TBX2: variants seen among roughly 807,000 people sequenced by gnomAD.
TBX2 encodes T-box transcription factor TBX2.
A neutral mutation model predicts 48.4 loss-of-function variants in TBX2; 19 were observed. That is an observed-to-expected ratio of 0.39 (90% CI 0.27 to 0.58). The LOEUF is 0.58. TBX2 is among the 20% of genes least tolerant of loss of function. TBX2 has a pLI of 0.54. For synonymous variants in TBX2, 522 were observed against 459.7 expected (o/e 1.14, Z -1.73); for missense variants, 994 against 1,006.5 (o/e 0.99, Z 0.17).
chr17:61,404,626 C>A lies in TBX2; in HGVS notation c.908C>A (p.Ser303Tyr). Residue 303 changes from serine (S) to tyrosine (Y), a missense_variant, in exon 5 of 7, where the codon TCT becomes TAT. Transcript: ENST00000240328. ...REKRKQLTLP[S>Y]LRLYEEHCKP... is the part of the protein sequence containing the mutation. Reference sequence around the variant, plus strand: ...CCCAGGAAGCAGCTGACGCTGCCGTCTCTACGCTTGTACGAGGAGCACTGC... The same window carrying A: ...CCCAGGAAGCAGCTGACGCTGCCGTATCTACGCTTGTACGAGGAGCACTGC... 6.3e-7 allele frequency: 1 copy of A among 1,583,354 alleles called. No homozygotes were observed. The highest frequency in any genetic ancestry group is 8.6e-7 in the Non-Finnish European group (1 of 1,163,436).
chr17:61,405,595 C>A lies in TBX2; in HGVS notation c.1445C>A (p.Pro482Gln). ...SHLHGQQFFGPLGAGQPLFLH... is the reference protein window; with the variant it reads ...SHLHGQQFFGQLGAGQPLFLH... ...TTGCACGGGCAGCAGTTCTTTGGGCCGCTGGGAGCCGGCCAGCCGCTCTTC... is the reference window on the plus strand; with the variant it reads ...TTGCACGGGCAGCAGTTCTTTGGGCAGCTGGGAGCCGGCCAGCCGCTCTTC... The change falls in exon 6 of 7, where the codon CCG becomes CAG. Residue 482 changes from proline to glutamine, a missense_variant. By Grantham distance (76) the Pro-to-Gln change is moderately conservative (BLOSUM62 -1). Transcript: ENST00000240328. 1.3e-6 allele frequency: 2 copies of A among 1,595,758 alleles called. No homozygotes were observed. The highest frequency in any genetic ancestry group is 1.7e-6 in the Non-Finnish European group (2 of 1,175,336).
chr17:61,400,283 CCTT>C lies in TBX2; in HGVS notation c.112_114del (p.Phe38del), dbSNP rs764684472. ...GCCTTTCTGGCGGCGGCGCAGCCCTCCTTCTTCCCGGCACTCGCGCTGCCGCCC... is the reference window on the plus strand; with the variant it reads ...GCCTTTCTGGCGGCGGCGCAGCCCTCCTTCCCGGCACTCGCGCTGCCGCCC... On this transcript the variant is annotated inframe_deletion, in exon 1 of 7. Coordinates refer to ENST00000240328, the MANE Select transcript of TBX2 (RefSeq NM_005994.4). The surrounding 1 kb of genome is among the most constrained non-coding windows in gnomAD (Gnocchi z 9.2). 3.4e-6 allele frequency: 4 copies of C among 1,168,758 alleles called. No individual in the cohort carries two copies. The highest frequency in any genetic ancestry group is 3.2e-6 in the Non-Finnish European group (3 of 927,400). The allele number at this position is 1,168,758 out of a possible 1,614,324, so 72.4% of individuals were successfully genotyped here.
chr17:61,402,640 C>T (rs1342681616), intron 2 of TBX2, among the ~76,000 whole-genome samples: 3 of 151,990 alleles, frequency 2.0e-5, no homozygotes, highest in African/African-American at 4.8e-5. Context: ...TTTACCAGTG[C>T]CAGAAAGGAA....
chr17:61,409,412 G>C lies in TBX2; in HGVS notation c.*906G>C, dbSNP rs729782. 14,447 of 152,244 alleles carry C rather than the reference G, an allele frequency of 0.095. 943 individuals carry two copies. Among genetic ancestry groups the C allele is most frequent in the East Asian group, 0.29 (1,496 of 5,144 alleles). The allele number at this position is 152,244 out of a possible 1,614,324, so 9.4% of individuals were successfully genotyped here. On this transcript the variant is annotated 3_prime_UTR_variant, in exon 7 of 7. Transcript: ENST00000240328. Reference sequence around the variant, plus strand: ...CCTCAGGTTTTCACTTTTCGCTCCGGAGCGAGAACGAAACGACAAAAACGC... The same window carrying C: ...CCTCAGGTTTTCACTTTTCGCTCCGCAGCGAGAACGAAACGACAAAAACGC...
Position 61,408,085 on chromosome 17 carries a change from T to TCCCCTA in TBX2, c.1726_1731dup (p.Pro576_Tyr577dup). The stretch of plus-strand genomic sequence containing the variant: ...CCAATGCCCACTTTCGGAGGCCTCT[T>TCCCCTA]CCCCTACCCCTACACCTACATGGCA... On this transcript the variant is annotated inframe_insertion, in exon 7 of 7. Coordinates refer to ENST00000240328, the MANE Select transcript of TBX2 (RefSeq NM_005994.4). 1 of 1,600,990 alleles carries TCCCCTA rather than the reference T, an allele frequency of 6.2e-7. No individual in the cohort carries two copies. Among genetic ancestry groups the TCCCCTA allele is most frequent in the Non-Finnish European group, 8.5e-7 (1 of 1,174,142 alleles).
rs1456287464 is a variant in TBX2 at position 61,405,336 on chromosome 17, G to T, written c.1186G>T (p.Ala396Ser). The T allele has an allele frequency of 3.2e-6, 5 of 1,545,706 alleles. No homozygotes were observed. The highest frequency in any genetic ancestry group is 2.4e-5 in the East Asian group (1 of 41,858). ...CACTCGCTTGACCGAACCCGAGCGC[G>T]CCCGGGAGCGGCGTAGTCCCGAGAG... Reference protein sequence around the residue: ...SPTRLTEPERARERRSPERGK... With the variant: ...SPTRLTEPERSRERRSPERGK... The change falls in exon 6 of 7, where the codon GCC becomes TCC. Residue 396 changes from alanine (A) to serine (S), a missense_variant. Ala to Ser is a moderately conservative substitution (Grantham distance 99). Transcript: ENST00000240328.
In TBX2 at chr17:61,408,377, A is replaced by G. The variant is rs916383563; in HGVS notation, c.2010A>G (p.Pro670=). 5 of 1,569,856 alleles carry G rather than the reference A, an allele frequency of 3.2e-6. No individual in the cohort carries two copies. In the African/African-American group the frequency reaches 5.4e-5, roughly 17 times the overall value. ...TGGCTCTCCGCAAAGTAGGGGCCCC[A>G]TCCCGCGGTGCCCTGTCGCCCAGTG... ...PELALRKVGA[P]SRGALSPSGS... is the part of the protein sequence containing the mutation. The change falls in exon 7 of 7, where the codon CCA becomes CCG. Residue 670 remains proline (P), a synonymous_variant. Transcript: ENST00000240328.
chr17:61,408,564 C>T lies in TBX2; in HGVS notation c.*58C>T. ...CCACCCGGGCTGCCTGCCCCTGCTG[C>T]TTGGGACGTGTACAGCACAGAATGA... is the stretch of plus-strand genomic sequence containing the variant. On this transcript the variant is annotated 3_prime_UTR_variant, in exon 7 of 7. Transcript: ENST00000240328. 7.2e-7 allele frequency: 1 copy of T among 1,393,512 alleles called. No individual in the cohort carries two copies. Among genetic ancestry groups the T allele is most frequent in the Non-Finnish European group, 9.4e-7 (1 of 1,063,646 alleles). 86.3% of individuals were successfully genotyped at this position (1,393,512 alleles called of 1,614,324 possible). A position where few individuals can be genotyped will look rare whatever the true frequency, so the allele number is the denominator to read the frequency against.
Position 61,405,470 on chromosome 17 carries a change from C to A in TBX2, c.1320C>A (p.Ala440=), listed in dbSNP as rs193110425. ...RRKDEGRKEA[A]EGKEQGLAPL... The stretch of plus-strand genomic sequence containing the variant: ...AGGACGAGGGGCGCAAGGAGGCGGC[C>A]GAGGGCAAGGAGCAGGGCCTGGCGC... The change falls in exon 6 of 7, where the codon GCC becomes GCA. Residue 440 remains alanine (A), a synonymous_variant. Coordinates refer to ENST00000240328, the MANE Select transcript of TBX2 (RefSeq NM_005994.4). 4 of 1,577,780 alleles carry A rather than the reference C, an allele frequency of 2.5e-6. No homozygotes were observed. The highest frequency in any genetic ancestry group is 3.4e-6 in the Non-Finnish European group (4 of 1,165,484).
At chr17:61,405,049 G>C in intron 5 of TBX2, 153 bp from the exon 6 acceptor site, 2 of 1,459,448 alleles carry the variant, frequency 1.4e-6, no homozygotes, top group Non-Finnish European at 1.9e-6. Context: ...GTAAATCTGG[G>C]GTCTTGGATT....
At position 61,403,247 on chromosome 17, in the gene TBX2, G is replaced by T. The variant is rs754102909; in HGVS notation, c.810+40G>T. 1.9e-6 allele frequency: 3 copies of T among 1,601,424 alleles called. No individual in the cohort carries two copies. ...CGGTGGGCTAAGCCCCTGCACTGACGCCCCTCAACACGTGCAGGCCCAACC... is the reference window on the plus strand; with the variant it reads ...CGGTGGGCTAAGCCCCTGCACTGACTCCCCTCAACACGTGCAGGCCCAACC... On this transcript the variant is annotated intron_variant, in intron 3 of 6. Coordinates refer to ENST00000240328, the MANE Select transcript of TBX2 (RefSeq NM_005994.4). This position sits in a 1 kb window ranked among gnomAD's most constrained non-coding sequence, Gnocchi z 5.8.
rs1424788799 is a variant in TBX2, at chr17:61,400,153, C to A, written c.-24C>A. Reference sequence around the variant, plus strand: ...CGCCCCCGGCCCCGGCCCCGGCCCCCGGGCGCCTGGGCCGGATGTCCCGAT... The same window carrying A: ...CGCCCCCGGCCCCGGCCCCGGCCCCAGGGCGCCTGGGCCGGATGTCCCGAT... On this transcript the variant is annotated 5_prime_UTR_variant, in exon 1 of 7. Coordinates refer to ENST00000240328, the MANE Select transcript of TBX2 (RefSeq NM_005994.4). The surrounding 1 kb of genome is among the most constrained non-coding windows in gnomAD (Gnocchi z 9.2). The A allele has an allele frequency of 4.0e-6, 4 of 1,004,162 alleles. No individual in the cohort carries two copies. The East Asian group carries it at 3.1e-4, about 77-fold the overall frequency. 62.2% of individuals were successfully genotyped at this position (1,004,162 alleles called of 1,614,324 possible). A position where few individuals can be genotyped will look rare whatever the true frequency, so the allele number is the denominator to read the frequency against.
At chr17:61,407,118 G>A (rs913665693) in intron 6 of TBX2, 1 of 152,170 alleles carries the variant, frequency 6.6e-6, no homozygotes, top group Non-Finnish European at 1.5e-5. Context: ...CAGACATCAG[G>A]TAGAGCCAAA....
chr17:61,401,040 C>A (rs1029989713), intron 1 of TBX2, among the ~76,000 whole-genome samples: 1 of 152,182 alleles, frequency 6.6e-6, no homozygotes, highest in Non-Finnish European at 1.5e-5. Flanking sequence ...CAGCGAGCCC[C>A]GGGTCAGCCG....
intron 5 of TBX2, 84 bp downstream of exon 5, chr17:61,404,853 G>A (rs1012119798): frequency 1.3e-6 from 2 of 1,511,308 alleles, no homozygotes; most frequent in Non-Finnish European, 1.8e-6. Context: ...TGAGCCACCC[G>A]CTAACCTGAA....
Position 61,400,170 on chromosome 17 carries a change from T to G in TBX2, c.-7T>G. Reference sequence around the variant, plus strand: ...CCGGCCCCCGGGCGCCTGGGCCGGATGTCCCGATGAGAGAGCCGGCGCTGG... The same window carrying G: ...CCGGCCCCCGGGCGCCTGGGCCGGAGGTCCCGATGAGAGAGCCGGCGCTGG... On this transcript the variant is annotated 5_prime_UTR_variant, in exon 1 of 7. The change abolishes an upstream ATG in the 5' untranslated region. Transcript: ENST00000240328. This position sits in a 1 kb window ranked among gnomAD's most constrained non-coding sequence, Gnocchi z 9.2. The G allele has an allele frequency of 9.4e-7, 1 of 1,066,374 alleles. No individual in the cohort carries two copies. The highest frequency in any genetic ancestry group is 1.1e-6 in the Non-Finnish European group (1 of 875,924). The allele number at this position is 1,066,374 out of a possible 1,614,324, so 66.1% of individuals were successfully genotyped here. A position where few individuals can be genotyped will look rare whatever the true frequency, so the allele number is the denominator to read the frequency against.
Position 61,408,658 on chromosome 17 carries a change from G to T in TBX2, c.*152G>T, listed in dbSNP as rs763099583. On this transcript the variant is annotated 3_prime_UTR_variant, in exon 7 of 7. Transcript: ENST00000240328. ...AATAGAGCCTCGTCTGGCAAGTCGG[G>T]GCCTGGGACACTTCCCTGGGCCTCA... The T allele has an allele frequency of 2.0e-5, 14 of 684,366 alleles. No homozygotes were observed. Among genetic ancestry groups the T allele is most frequent in the Non-Finnish European group, 3.0e-5 (14 of 463,468 alleles). 42.4% of individuals were successfully genotyped at this position (684,366 alleles called of 1,614,324 possible).
chr17:61,405,647 C>A lies in TBX2; in HGVS notation c.1497C>A (p.Gly499=). The change falls in exon 6 of 7, where the codon GGC becomes GGA. Residue 499 remains glycine, a synonymous_variant. Coordinates refer to ENST00000240328, the MANE Select transcript of TBX2 (RefSeq NM_005994.4). ...TGCACCCTGGACAGTTCACCATGGG[C>A]CCTGGCGCCTTCTCCGCCATGGGCA... is the stretch of plus-strand genomic sequence containing the variant. ...LFLHPGQFTM[G]PGAFSAMGMG... 1 of 1,501,382 alleles carries A rather than the reference C, an allele frequency of 6.7e-7. No individual in the cohort carries two copies. Among genetic ancestry groups the A allele is most frequent in the Non-Finnish European group, 8.8e-7 (1 of 1,130,410 alleles). 93.0% of individuals were successfully genotyped at this position (1,501,382 alleles called of 1,614,324 possible).
Position 61,408,143 on chromosome 17 carries a change from C to T in TBX2, c.1776C>T (p.Ala592=). The T allele has an allele frequency of 6.2e-7, 1 of 1,611,856 alleles. No individual in the cohort carries two copies. The highest frequency in any genetic ancestry group is 8.5e-7 in the Non-Finnish European group (1 of 1,179,554). Residue 592 remains alanine, a synonymous_variant, in exon 7 of 7, where the codon GCC becomes GCT. Coordinates refer to ENST00000240328, the MANE Select transcript of TBX2 (RefSeq NM_005994.4). ...CCGCAGCCGCCTCGGCTTTGCCCGC[C>T]ACTAGTGCTGCAGCTGCCGCCGCCG... ...AAAAAASALP[A]TSAAAAAAAA...
Sources: allele counts gnomAD v4.1 joint callset (sites outside exome capture counted in the v4.1 genomes callset), GRCh38; gene constraint gnomAD v4.1.1; non-coding constraint Gnocchi (gnomAD v3.1); transcripts MANE v1.5; gene names NCBI Gene and HGNC (gene_info 2026-07-23, HGNC 2026-07-21).